DIS3L2: variants seen among roughly 807,000 people sequenced by gnomAD.
DIS3L2 encodes DIS3 like 3'-5' exoribonuclease 2.
Under a neutral mutation model 97.5 loss-of-function variants are expected in DIS3L2, and 34 were observed. The observed-to-expected ratio is 0.35, with a 90% CI of 0.27 to 0.46. The LOEUF (loss-of-function observed/expected upper bound fraction) is 0.46, where lower values mean the gene tolerates loss of function less well. Among genes scored for constraint, DIS3L2 ranks in the 20% least tolerant of loss-of-function variants. The pLI is 1.00. For missense variants in DIS3L2, 1,038 were observed against 1,146.0 expected, an observed-to-expected ratio of 0.91 and a Z score of 1.36; for synonymous variants, 435 against 445.2, an observed-to-expected ratio of 0.98 and a Z score of 0.29.
intron 9 of DIS3L2, among the ~76,000 whole-genome samples, chr2:232,199,058 G>A (rs1237674746): frequency 6.6e-6 from 1 of 152,066 alleles, no homozygotes; most frequent in Non-Finnish European, 1.5e-5. Context: ...CCCAAACCCC[G>A]AAAGCAGTAG....
At chr2:232,018,689 G>A (rs1694423081) in intron 3 of DIS3L2, among the ~76,000 whole-genome samples, 2 of 151,278 alleles carry the variant, frequency 1.3e-5, no homozygotes, top group African/African-American at 2.4e-5. Context: ...AACTTTTATC[G>A]AGAGATTGAA....
intron 9 of DIS3L2, among the ~76,000 whole-genome samples, chr2:232,176,695 C>A (rs763851831): frequency 2.6e-5 from 4 of 151,460 alleles, no homozygotes; most frequent in Non-Finnish European, 5.9e-5. Context: ...CTCAAGTAAT[C>A]CTCTTACCTC....
chr2:231,981,464 C>T (rs1693253739), intron 1 of DIS3L2, among the ~76,000 whole-genome samples: 1 of 150,938 alleles, frequency 6.6e-6, no homozygotes, highest in African/African-American at 2.4e-5. Flanking sequence ...AACACATAGT[C>T]TCTTTTCCAA....
intron 14 of DIS3L2, 28 bp from the exon 15 acceptor site, chr2:232,329,785 T>TGCCGGGGGGGGCGCCC: frequency 4.1e-6 from 4 of 967,142 alleles, no homozygotes; most frequent in South Asian, 2.1e-5. Context: ...ACCCCAGCGG[T>TGCCGGGGGGGGCGCCC]CCCTCCCATC....
chr2:232,297,648 ACCT>A (rs2106318784), intron 13 of DIS3L2, among the ~76,000 whole-genome samples: 1 of 151,994 alleles, frequency 6.6e-6, no homozygotes, highest in Non-Finnish European at 1.5e-5. Flanking sequence ...ATCACCTGGA[ACCT>A]CTCAGCTAGT....
chr2:231,993,381 T>C (rs1693637480), intron 1 of DIS3L2, among the ~76,000 whole-genome samples: 2 of 151,408 alleles, frequency 1.3e-5, no homozygotes, highest in Admixed American at 6.6e-5. Context: ...GCCTGGCTGA[T>C]TTTTGTATTT....
At chr2:232,118,918 G>A (rs1034196400) in intron 6 of DIS3L2, among the ~76,000 whole-genome samples, 2 of 152,156 alleles carry the variant, frequency 1.3e-5, no homozygotes, top group Non-Finnish European at 2.9e-5. Flanking sequence ...CAGAAATGAT[G>A]CTATCTGTAA....
intron 8 of DIS3L2, among the ~76,000 whole-genome samples, chr2:232,155,807 G>C (rs1038172463): frequency 1.3e-5 from 2 of 151,992 alleles, no homozygotes; most frequent in Non-Finnish European, 2.9e-5. Flanking sequence ...TGGCTAACAT[G>C]GTGAAACCCC....
intron 12 of DIS3L2, among the ~76,000 whole-genome samples, chr2:232,262,988 T>C (rs1479732294): frequency 6.6e-6 from 1 of 152,158 alleles, no homozygotes; most frequent in Non-Finnish European, 1.5e-5. Context: ...CCAGTGCCCA[T>C]TGGATTAATT....
At chr2:232,055,070 A>G (rs1312607296) in intron 5 of DIS3L2, among the ~76,000 whole-genome samples, 2 of 152,244 alleles carry the variant, frequency 1.3e-5, no homozygotes, top group Admixed American at 6.5e-5. Flanking sequence ...CATGATAAGT[A>G]CTAGTAATAG....
chr2:232,143,306 G>A (rs548709814), intron 8 of DIS3L2, among the ~76,000 whole-genome samples: 11 of 152,150 alleles, frequency 7.2e-5, no homozygotes, highest in African/African-American at 2.6e-4. Context: ...TAGGAAGTTG[G>A]GAATATTGTT....
intron 10 of DIS3L2, among the ~76,000 whole-genome samples, chr2:232,234,969 G>T (rs1291370719): frequency 2.6e-5 from 4 of 152,242 alleles, no homozygotes; most frequent in African/African-American, 9.6e-5. Context: ...GACACTGTGG[G>T]GAAGTGGCTG....
chr2:232,343,474 G>T (rs1295751305), exon 14 of DIS3L2: 5 of 1,555,724 alleles, frequency 3.2e-6, no homozygotes, highest in Non-Finnish European at 4.3e-6. Flanking sequence ...CAGGGATCCA[G>T]ACACACGACT....
chr2:232,155,914 C>T (rs113654095), intron 8 of DIS3L2, among the ~76,000 whole-genome samples: 5 of 151,856 alleles, frequency 3.3e-5, no homozygotes, highest in Non-Finnish European at 5.9e-5. Context: ...GGTGTGAACC[C>T]GGGAGGCGGA....
At chr2:232,247,503 C>A (rs1464524212) in intron 11 of DIS3L2, among the ~76,000 whole-genome samples, 1 of 151,376 alleles carries the variant, frequency 6.6e-6, no homozygotes, top group Non-Finnish European at 1.5e-5. Context: ...AGTCACCAGT[C>A]GTATTTGACC....
Position 232,330,689 on chromosome 2 carries a change from G to C in DIS3L2, c.1924-1G>C, listed in dbSNP as rs1201265438. ...CATAGGTTTCTGGGATTTGCTTCTA[G>C]AAAAGCCTGACCCAAACATTTGGAG... On this transcript the variant is annotated splice_acceptor_variant, in intron 15 of 20. Coordinates refer to ENST00000325385, the MANE Select transcript of DIS3L2 (RefSeq NM_152383.5). LOFTEE classifies it high-confidence loss of function. The C allele has an allele frequency of 6.2e-7, 1 of 1,614,032 alleles. No homozygotes were observed. Among genetic ancestry groups the C allele is most frequent in the East Asian group, 2.2e-5 (1 of 44,890 alleles).
rs534080838 is a variant in DIS3L2, at chr2:232,086,207, G to A, written c.367-1280G>A. On this transcript the variant is annotated intron_variant, in intron 5 of 20. Transcript: ENST00000325385. ...TATACACACGTATAGACGTGTATAC[G>A]TATATATACACACGTATAGACGTGT... is the stretch of plus-strand genomic sequence containing the variant. Among the ~76,000 whole-genome samples the A allele has an allele frequency of 9.2e-5, 14 of 151,492 alleles. 1 individual carries two copies. Among genetic ancestry groups the A allele is most frequent in the African/African-American group, 2.4e-4 (10 of 41,242 alleles).
In DIS3L2 at chr2:232,136,692, G is replaced by A. The variant is rs1343681602; in HGVS notation, c.923G>A (p.Trp308Ter). 1 of 1,613,922 alleles carries A rather than the reference G, an allele frequency of 6.2e-7. No homozygotes were observed. The highest frequency in any genetic ancestry group is 1.1e-5 in the South Asian group (1 of 91,046). Residue 308 changes from tryptophan (W) to a stop codon, truncating the protein, a stop_gained, in exon 8 of 21, where the codon TGG (tryptophan) becomes TAG (stop). Transcript: ENST00000325385. LOFTEE classifies it high-confidence loss of function. ...CTGTTCATCTGCCGCATTGTGGACT[G>A]GAAGGAGGACTGCAATTTTGCCCTG... ...NTLFICRIVD[W>*]KEDCNFALGQ...
chr2:232,257,783 C>T (rs1051903483), intron 12 of DIS3L2, among the ~76,000 whole-genome samples: 1 of 152,190 alleles, frequency 6.6e-6, no homozygotes, highest in Non-Finnish European at 1.5e-5. Context: ...GGTCATACTT[C>T]TGTATCAATA....
Sources: allele counts gnomAD v4.1 joint callset (sites outside exome capture counted in the v4.1 genomes callset), GRCh38; gene constraint gnomAD v4.1.1; transcripts MANE v1.5; gene names NCBI Gene and HGNC (gene_info 2026-07-23, HGNC 2026-07-21).